Variants in LNX1 observed in about 807,000 individuals in gnomAD.
LNX1 encodes E3 ubiquitin-protein ligase LNX.
In LNX1, 54 loss-of-function variants were observed where a neutral mutation model predicts 68.4. The ratio of observed to expected loss-of-function variants is 0.79; its 90% CI spans 0.63 to 0.99. The LOEUF (loss-of-function observed/expected upper bound fraction) is 0.99. LNX1 is among the 50% of genes least tolerant of loss of function. The pLI is 0.00. For missense variants in LNX1, 906 were observed against 926.4 expected, an observed-to-expected ratio of 0.98 and a Z score of 0.29; for synonymous variants, 336 against 350.0, an observed-to-expected ratio of 0.96 and a Z score of 0.45.
intron 6 of LNX1, 81 bp downstream of exon 6, chr4:53,495,942 G>C: frequency 6.7e-7 from 1 of 1,500,488 alleles, no homozygotes; most frequent in Non-Finnish European, 9.0e-7. Context: ...GGTAGTGACA[G>C]GGTGCCTGGT....
At chr4:53,647,612 A>G (rs1734934426) in intron 1 of LNX1, among the ~76,000 whole-genome samples, 1 of 152,248 alleles carries the variant, frequency 6.6e-6, no homozygotes, top group African/African-American at 2.4e-5. Context: ...TTATGGTAAA[A>G]TACACATAAC....
At chr4:53,611,400 T>C (rs2668544) in intron 2 of LNX1, among the ~76,000 whole-genome samples, 64,028 of 151,964 alleles carry the variant, frequency 0.42, 13,444 homozygotes, top group Admixed American at 0.45. Context: ...ATTCTACAAA[T>C]TGATTATGTG....
chr4:53,468,810 C>T (rs1203812705), intron 9 of LNX1, among the ~76,000 whole-genome samples: 2 of 152,166 alleles, frequency 1.3e-5, no homozygotes, highest in East Asian at 1.9e-4. Context: ...TATATATGCA[C>T]CCAATACAGG....
intron 2 of LNX1, chr4:53,616,381 G>A (rs1335265259): frequency 6.6e-6 from 1 of 152,190 alleles, no homozygotes; most frequent in Non-Finnish European, 1.5e-5. Context: ...CTGCGCCTGG[G>A]TCAGCAGCAC....
intron 4 of LNX1, among the ~76,000 whole-genome samples, chr4:53,505,742 A>T (rs1725825681): frequency 6.6e-6 from 1 of 152,226 alleles, no homozygotes. Flanking sequence ...TTTGAGGTAC[A>T]GTTACATGAA....
At chr4:53,493,522 C>T (rs1267784238) in intron 6 of LNX1, among the ~76,000 whole-genome samples, 1 of 152,224 alleles carries the variant, frequency 6.6e-6, no homozygotes, top group East Asian at 1.9e-4. Context: ...CCATCCAACA[C>T]TTGGTCCTCT....
At chr4:53,575,891 A>T in intron 1 of LNX1, 1 of 1,579,704 alleles carries the variant, frequency 6.3e-7, no homozygotes, top group South Asian at 1.2e-5. Context: ...AGCAGCCTGC[A>T]AGGGGAGGAC....
At position 53,570,412 on chromosome 4, in the gene LNX1, GA is replaced by G. The variant is rs1459786692; in HGVS notation, c.380+3210del. 3.5e-5 allele frequency among the ~76,000 whole-genome samples: 5 copies of G among 144,770 alleles called. No homozygotes were observed. The East Asian group carries it at 1.0e-3, about 29-fold the overall frequency. 95.0% of individuals were successfully genotyped at this position (144,770 alleles called of 152,430 possible). On this transcript the variant is annotated intron_variant, in intron 2 of 10. Coordinates refer to ENST00000263925, the MANE Select transcript of LNX1 (RefSeq NM_001126328.3). ...CATCATTCTCAGTAAACTATCACAA[GA>G]ACAAAAAACCAAATACCGCATATTC...
At chr4:53,580,531 C>T (rs1731766111) in intron 1 of LNX1, among the ~76,000 whole-genome samples, 1 of 152,180 alleles carries the variant, frequency 6.6e-6, no homozygotes, top group Non-Finnish European at 1.5e-5. Context: ...ACTGCTGTTA[C>T]TGGAGTGGGT....
At position 53,459,454 on chromosome 4, in the gene LNX1, G is replaced by C. The variant is rs370193198; in HGVS notation, c.*1453C>G. ...GAAGCTACACCTGCAGAATAGGCAT[G>C]GTTTTGGCCTTTTGTGTATATTAGT... On this transcript the variant is annotated 3_prime_UTR_variant, in exon 11 of 11. Transcript: ENST00000263925. The C allele has an allele frequency of 9.3e-6, 15 of 1,613,088 alleles. No homozygotes were observed. Among genetic ancestry groups the C allele is most frequent in the Non-Finnish European group, 1.3e-5 (15 of 1,179,530 alleles).
chr4:53,537,334 C>T (rs1318751994), intron 2 of LNX1, among the ~76,000 whole-genome samples: 1 of 152,140 alleles, frequency 6.6e-6, no homozygotes, highest in Non-Finnish European at 1.5e-5. Flanking sequence ...GCCTTGGGTC[C>T]ACCCTTTCTT....
At chr4:53,482,399 A>G (rs1382822134) in intron 6 of LNX1, among the ~76,000 whole-genome samples, 1 of 152,210 alleles carries the variant, frequency 6.6e-6, no homozygotes, top group Non-Finnish European at 1.5e-5. Context: ...TAATATGTAC[A>G]ACCTAATCAA....
At position 53,608,879 on chromosome 4, in the gene LNX1, G is replaced by A. The variant is rs191299131; in HGVS notation, c.-215+7638C>T. On this transcript the variant is annotated intron_variant, in intron 2 of 3. Coordinates refer to the LNX1 transcript ENST00000504299. ...AAGAACAGAAAACCAAATACCACAC[G>A]TTCTCACTTATAAGTGGAAGCTAAA... Among the ~76,000 whole-genome samples the A allele has an allele frequency of 4.2e-3, 638 of 152,108 alleles. 3 individuals are homozygous for A. The highest frequency in any genetic ancestry group is 0.015 in the African/African-American group (608 of 41,496).
intron 6 of LNX1, 124 bp downstream of exon 6, chr4:53,495,899 C>T: frequency 1.7e-6 from 2 of 1,180,950 alleles, no homozygotes; most frequent in Non-Finnish European, 2.4e-6. Flanking sequence ...TCCATCCTGA[C>T]TCCTTGAAAG....
chr4:53,472,445 A>G (rs1470417268), intron 9 of LNX1, among the ~76,000 whole-genome samples: 1 of 152,056 alleles, frequency 6.6e-6, no homozygotes, highest in African/African-American at 2.4e-5. Context: ...TATGTAACTA[A>G]CCTGCACGTT....
At chr4:53,565,331 TCCCTGAC>T (rs1730588864) in intron 2 of LNX1, among the ~76,000 whole-genome samples, 1 of 151,956 alleles carries the variant, frequency 6.6e-6, no homozygotes, top group Non-Finnish European at 1.5e-5. Context: ...CTCAAGTGGG[TCCCTGAC>T]CCCTGACCCC....
chr4:53,525,718 G>A (rs1727562463), intron 2 of LNX1, among the ~76,000 whole-genome samples: 1 of 152,182 alleles, frequency 6.6e-6, no homozygotes, highest in South Asian at 2.1e-4. Flanking sequence ...CCTCAGTTAG[G>A]GGAGGTTCTT....
intron 2 of LNX1, among the ~76,000 whole-genome samples, chr4:53,550,736 C>T (rs1187745580): frequency 6.6e-6 from 1 of 152,134 alleles, no homozygotes; most frequent in East Asian, 1.9e-4. Context: ...TAAAAAGGCA[C>T]TTCCCCAGGT....
upstream of LNX1, among the ~76,000 whole-genome samples, chr4:53,594,364 T>C (rs1028000): frequency 0.2 from 30,814 of 152,048 alleles, 3,819 homozygotes; most frequent in South Asian, 0.38. Context: ...TTTTTCTCTG[T>C]AACTTCTGCG....
Sources: gnomAD v4.1 joint callset for allele counts (sites outside exome capture counted in the v4.1 genomes callset) on GRCh38, gnomAD v4.1.1 for gene constraint, MANE v1.5 for transcripts, NCBI Gene and HGNC (gene_info 2026-07-23, HGNC 2026-07-21) for gene names.